Variants in PIEZO2 observed in about 807,000 individuals in gnomAD.
The protein encoded by PIEZO2 is piezo type mechanosensitive ion channel component 2.
A neutral mutation model predicts 337.3 loss-of-function variants in PIEZO2; 172 were observed. That is an observed-to-expected ratio of 0.51 (90% confidence interval 0.45 to 0.58). PIEZO2 has a LOEUF of 0.58. PIEZO2 is among the 20% of genes least tolerant of loss of function. The pLI, the probability that PIEZO2 is intolerant of heterozygous loss-of-function variation, is 0.00. For missense variants in PIEZO2, 3,028 were observed against 3,391.3 expected (o/e 0.89, Z 2.66); for synonymous variants, 1,251 against 1,228.5 (o/e 1.02, Z -0.38).
At chr18:11,024,300 C>T (rs965060394) in intron 2 of PIEZO2, among the ~76,000 whole-genome samples, 12 of 152,064 alleles carry the variant, frequency 7.9e-5, no homozygotes, top group African/African-American at 2.9e-4. Context: ...AATCCCAGCA[C>T]TCTGGGAGGC....
intron 1 of PIEZO2, among the ~76,000 whole-genome samples, chr18:11,113,446 T>G (rs1237119508): frequency 6.6e-6 from 1 of 152,172 alleles, no homozygotes; most frequent in African/African-American, 2.4e-5. Flanking sequence ...CTAAAGGGCC[T>G]CCTAAGGATC....
At chr18:10,935,792 G>A (rs1246778051) in intron 3 of PIEZO2, among the ~76,000 whole-genome samples, 1 of 152,108 alleles carries the variant, frequency 6.6e-6, no homozygotes, top group Non-Finnish European at 1.5e-5. Flanking sequence ...GCATGACCAC[G>A]GCCCCTGCTC....
chr18:10,695,159 A>G (rs8093481), intron 47 of PIEZO2, among the ~76,000 whole-genome samples: 54,744 of 152,188 alleles, frequency 0.36, 9,866 homozygotes, highest in Non-Finnish European at 0.38. Context: ...CGAAATGACC[A>G]GATCATTTGT....
chr18:10,967,410 T>C (rs1487761623), intron 3 of PIEZO2, among the ~76,000 whole-genome samples: 2 of 152,158 alleles, frequency 1.3e-5, no homozygotes, highest in African/African-American at 2.4e-5. Context: ...CCTATAAACA[T>C]GTGTGTGCAA....
intron 3 of PIEZO2, among the ~76,000 whole-genome samples, chr18:10,955,718 G>C (rs2033488831): frequency 6.6e-6 from 1 of 152,094 alleles, no homozygotes; most frequent in Admixed American, 6.5e-5. Context: ...AAAATTTTAA[G>C]TACAGAGAAC....
chr18:10,671,956 A>C lies in PIEZO2; in HGVS notation c.8346-177T>G, dbSNP rs539482874. 5.9e-5 allele frequency among the ~76,000 whole-genome samples: 9 copies of C among 152,316 alleles called. No individual in the cohort carries two copies. In the East Asian group the frequency reaches 1.7e-3, roughly 29 times the overall value. ...GTTGACTTTTTATTATAGAATTATT[A>C]TAAATAGAAAATAGAATTATGTATT... On this transcript the variant is annotated intron_variant, in intron 55 of 55. Coordinates refer to ENST00000674853, the MANE Select transcript of PIEZO2 (RefSeq NM_001378183.1).
At chr18:10,720,427 A>G (rs1490523482) in intron 36 of PIEZO2, among the ~76,000 whole-genome samples, 41 of 2,434 alleles carry the variant, frequency 0.017, no homozygotes, top group South Asian at 0.06. Flanking sequence ...ATGTATATAT[A>G]TATATATATA....
At chr18:10,786,037 T>G (rs1429547673) in intron 16 of PIEZO2, among the ~76,000 whole-genome samples, 1 of 152,184 alleles carries the variant, frequency 6.6e-6, no homozygotes, top group African/African-American at 2.4e-5. Flanking sequence ...TGCTGTTCCC[T>G]CTGCCTGAAA....
intron 3 of PIEZO2, among the ~76,000 whole-genome samples, chr18:10,957,184 G>A (rs951853258): frequency 6.6e-6 from 1 of 151,910 alleles, no homozygotes; most frequent in Non-Finnish European, 1.5e-5. Flanking sequence ...GGATCATGAG[G>A]TCAGGAGTTC....
intron 2 of PIEZO2, among the ~76,000 whole-genome samples, chr18:11,056,320 C>A (rs1257002469): frequency 6.6e-6 from 1 of 152,218 alleles, no homozygotes. Context: ...CACCTCCCAG[C>A]TGCTGGGAAT....
At chr18:10,879,552 C>T (rs1294838297) in intron 4 of PIEZO2, among the ~76,000 whole-genome samples, 2 of 152,002 alleles carry the variant, frequency 1.3e-5, no homozygotes, top group East Asian at 1.9e-4. Context: ...CCCGCCACCA[C>T]GCCTGGCTAA....
intron 47 of PIEZO2, among the ~76,000 whole-genome samples, chr18:10,691,748 A>G (rs1280761529): frequency 9.7e-6 from 1 of 103,292 alleles, no homozygotes; most frequent in Non-Finnish European, 1.9e-5. Flanking sequence ...TATATATATG[A>G]TATATTAAAA....
At position 10,988,730 on chromosome 18, in the gene PIEZO2, A is replaced by G. The variant is rs1162881838; in HGVS notation, c.161-9070T>C. On this transcript the variant is annotated intron_variant, in intron 2 of 55. Coordinates refer to ENST00000674853, the MANE Select transcript of PIEZO2 (RefSeq NM_001378183.1). This position sits in a 1 kb window ranked among gnomAD's most constrained non-coding sequence, Gnocchi z 4.8. The stretch of plus-strand genomic sequence containing the variant: ...TAAGGAAATTGTGGCATATACATAC[A>G]TAGAATATTATTCATCCTTAACAAA... Among the ~76,000 whole-genome samples, 1 of 152,206 alleles carries G rather than the reference A, an allele frequency of 6.6e-6. No homozygotes were observed. The highest frequency in any genetic ancestry group is 6.5e-5 in the Admixed American group (1 of 15,268).
At chr18:10,792,159 G>A (rs2039429687) in intron 13 of PIEZO2, among the ~76,000 whole-genome samples, 1 of 152,156 alleles carries the variant, frequency 6.6e-6, no homozygotes, top group African/African-American at 2.4e-5. Flanking sequence ...ATGTTAGCCA[G>A]GCTGGTCTCG....
At chr18:11,075,182 G>C (rs1429241539) in intron 1 of PIEZO2, among the ~76,000 whole-genome samples, 1 of 152,192 alleles carries the variant, frequency 6.6e-6, no homozygotes, top group Non-Finnish European at 1.5e-5. Flanking sequence ...AGTAATTCTA[G>C]AAATCGTTTG....
At chr18:11,075,827 C>T (rs562933626) in intron 1 of PIEZO2, among the ~76,000 whole-genome samples, 13 of 144,332 alleles carry the variant, frequency 9.0e-5, no homozygotes, top group South Asian at 2.2e-4. Context: ...CTCGCTCTGT[C>T]ACCCAGGCTG....
chr18:10,932,279 C>G (rs1306360283), intron 3 of PIEZO2, among the ~76,000 whole-genome samples: 1 of 152,026 alleles, frequency 6.6e-6, no homozygotes, highest in African/African-American at 2.4e-5. Flanking sequence ...GCCTGTGGTC[C>G]CAGCTACTGG....
chr18:10,871,676 T>C (rs1347579670), intron 4 of PIEZO2, among the ~76,000 whole-genome samples: 1 of 152,242 alleles, frequency 6.6e-6, no homozygotes, highest in Non-Finnish European at 1.5e-5. Context: ...AACGTCCTAA[T>C]GGACTATGTT....
intron 1 of PIEZO2, among the ~76,000 whole-genome samples, chr18:11,142,133 G>A (rs2040668554): frequency 6.6e-6 from 1 of 152,018 alleles, no homozygotes; most frequent in African/African-American, 2.4e-5. Flanking sequence ...GATAAAGCAA[G>A]GCAAATAAAA....
Sources: allele counts gnomAD v4.1 joint callset (sites outside exome capture counted in the v4.1 genomes callset), GRCh38; gene constraint gnomAD v4.1.1; non-coding constraint Gnocchi (gnomAD v3.1); transcripts MANE v1.5; gene names NCBI Gene and HGNC (gene_info 2026-07-23, HGNC 2026-07-21).